The following BTLA variants were observed in gnomAD, a reference collection of about 807,000 sequenced individuals.
The protein encoded by BTLA is B and T lymphocyte associated, also known as B- and T-lymphocyte attenuator.
Under a neutral mutation model 25.0 loss-of-function variants are expected in BTLA, and 11 were observed. The observed-to-expected ratio is 0.44, with a 90% confidence interval of 0.28 to 0.73. BTLA has a LOEUF of 0.73. Ranked by LOEUF, BTLA falls within the 30% of genes least tolerant of loss-of-function variation. BTLA has a pLI of 0.15. For synonymous variants in BTLA, 104 were observed against 119.8 expected (o/e 0.87, Z 0.86); for missense variants, 282 against 332.8 (o/e 0.85, Z 1.19).
chr3:112,467,510 G>A (rs998242612), intron 4 of BTLA, among the ~76,000 whole-genome samples: 3 of 152,124 alleles, frequency 2.0e-5, no homozygotes, highest in Non-Finnish European at 4.4e-5. Flanking sequence ...CTCCTTTAAG[G>A]TATCAAGTCC....
chr3:112,479,611 C>T lies in BTLA; in HGVS notation c.247G>A (p.Glu83Lys), dbSNP rs1164288424. Residue 83 changes from glutamate (E) to lysine (K), a missense_variant, in exon 2 of 5, where the codon GAA becomes AAA. This residue lies in a region of BTLA where 163 missense variants were observed against 230.4 expected (regional missense o/e 0.71). Transcript: ENST00000334529. ...KLNGTTCVKL[E>K]DRQTSWKEEK... ...TCCTTCCAACTTGTTTGTCTATCTTCAAGTTTTACACATGTTGTTCCATTG... is the reference window on the plus strand; with the variant it reads ...TCCTTCCAACTTGTTTGTCTATCTTTAAGTTTTACACATGTTGTTCCATTG... The T allele has an allele frequency of 6.2e-7, 1 of 1,614,086 alleles. No individual in the cohort carries two copies. Among genetic ancestry groups the T allele is most frequent in the East Asian group, 2.2e-5 (1 of 44,868 alleles).
rs1453400171 is a variant in BTLA at position 112,465,575 on chromosome 3, A to G, written c.*533T>C. ...CCATTTATTATTTTCATTTTCTTAC[A>G]TCAAGCCTAAAATGATTTCTCCTTT... On this transcript the variant is annotated 3_prime_UTR_variant, in exon 5 of 5. Transcript: ENST00000334529. The G allele has an allele frequency of 6.6e-6, 1 of 152,654 alleles. No individual in the cohort carries two copies. The highest frequency in any genetic ancestry group is 2.4e-5 in the African/African-American group (1 of 41,458). 9.5% of individuals were successfully genotyped at this position (152,654 alleles called of 1,614,324 possible).
chr3:112,483,971 A>C (rs747124420), intron 1 of BTLA, among the ~76,000 whole-genome samples: 13 of 112,320 alleles, frequency 1.2e-4, no homozygotes, highest in Non-Finnish European at 2.1e-4. Flanking sequence ...CTGTCTCAAA[A>C]AAAAAAAAAA....
chr3:112,474,667 C>T (rs2082279757), intron 2 of BTLA, among the ~76,000 whole-genome samples: 1 of 152,154 alleles, frequency 6.6e-6, no homozygotes, highest in South Asian at 2.1e-4. Context: ...GTGATCCCTT[C>T]CCCTCAGGTG....
Position 112,469,802 on chromosome 3 carries a change from T to A in BTLA, c.550A>T (p.Lys184Ter), listed in dbSNP as rs144502753. The change falls in exon 4 of 5, where the codon AAG becomes TAG. Residue 184 changes from lysine (K) to a stop codon, truncating the protein, a stop_gained and splice_region_variant. Transcript: ENST00000334529. LOFTEE classifies it low-confidence loss of function (END_TRUNC). ...GCTGTGTCAGAGAGTTCATTTTGCT[T>A]TCCTGGAAGACAAAAAGAAAAAGAA... is the stretch of plus-strand genomic sequence containing the variant. ...LFCCLRRHQG[K>*]QNELSDTAGR... 2 of 1,609,250 alleles carry A rather than the reference T, an allele frequency of 1.2e-6. No individual in the cohort carries two copies. Among genetic ancestry groups the A allele is most frequent in the African/African-American group, 1.3e-5 (1 of 74,874 alleles).
At chr3:112,496,804 T>C (rs1356166471) in intron 1 of BTLA, among the ~76,000 whole-genome samples, 1 of 152,126 alleles carries the variant, frequency 6.6e-6, no homozygotes, top group East Asian at 1.9e-4. Context: ...CTCAGCTCAC[T>C]GCAACCTCTG....
Position 112,465,205 on chromosome 3 carries a change from TG to T in BTLA, c.*902del, listed in dbSNP as rs1412492962. ...ACCCCTACAGACCAATTAAATATTC[TG>T]GGTTTTCCTCCATTCCATTAATTGC... On this transcript the variant is annotated 3_prime_UTR_variant, in exon 5 of 5. Transcript: ENST00000334529. 4 of 152,646 alleles carry T rather than the reference TG, an allele frequency of 2.6e-5. No individual in the cohort carries two copies. Among genetic ancestry groups the T allele is most frequent in the Non-Finnish European group, 4.4e-5 (3 of 68,028 alleles). 9.5% of individuals were successfully genotyped at this position (152,646 alleles called of 1,614,324 possible).
chr3:112,464,942 T>A lies in BTLA; in HGVS notation c.*1166A>T, dbSNP rs1222202150. 6.6e-6 allele frequency: 1 copy of A among 152,218 alleles called. No homozygotes were observed. The highest frequency in any genetic ancestry group is 1.5e-5 in the Non-Finnish European group (1 of 68,038). 9.4% of individuals were successfully genotyped at this position (152,218 alleles called of 1,614,324 possible). A position where few individuals can be genotyped will look rare whatever the true frequency, so the allele number is the denominator to read the frequency against. On this transcript the variant is annotated 3_prime_UTR_variant, in exon 5 of 5. Coordinates refer to ENST00000334529, the MANE Select transcript of BTLA (RefSeq NM_181780.4). ...ATTATTCAGTAGCAGCACCTGAGAATTCGAATAGCCTCAAACTGTTGAATA... is the reference window on the plus strand; with the variant it reads ...ATTATTCAGTAGCAGCACCTGAGAAATCGAATAGCCTCAAACTGTTGAATA...
chr3:112,488,423 C>G (rs1417080500), intron 1 of BTLA, among the ~76,000 whole-genome samples: 2 of 151,988 alleles, frequency 1.3e-5, no homozygotes, highest in Non-Finnish European at 2.9e-5. Context: ...GGGGTTTTAC[C>G]CGGTTAACCA....
At chr3:112,477,523 T>C (rs1452740258) in intron 2 of BTLA, among the ~76,000 whole-genome samples, 1 of 152,074 alleles carries the variant, frequency 6.6e-6, no homozygotes, top group African/African-American at 2.4e-5. Context: ...CTTTGCTCAT[T>C]TTAAAATTAG....
chr3:112,479,353 T>G (rs534217526), intron 2 of BTLA, 102 bp downstream of exon 2: 2 of 1,076,490 alleles, frequency 1.9e-6, no homozygotes, highest in Non-Finnish European at 2.7e-6. Flanking sequence ...AGATGTGCTA[T>G]AGGAGTTGGC....
At chr3:112,483,135 C>T (rs922413089) in intron 1 of BTLA, among the ~76,000 whole-genome samples, 1 of 137,730 alleles carries the variant, frequency 7.3e-6, no homozygotes, top group East Asian at 2.2e-4. Context: ...AAAGAGGGCA[C>T]CTTTCTTTTT....
intron 1 of BTLA, among the ~76,000 whole-genome samples, chr3:112,487,327 G>A (rs1028101974): frequency 3.3e-5 from 5 of 152,238 alleles, no homozygotes; most frequent in Non-Finnish European, 5.9e-5. Context: ...ACTCATGCCT[G>A]TAATCCCAGC....
Position 112,473,981 on chromosome 3 carries a change from G to A in BTLA, c.404-2626C>T, listed in dbSNP as rs184647536. On this transcript the variant is annotated intron_variant, in intron 2 of 4. Coordinates refer to ENST00000334529, the MANE Select transcript of BTLA (RefSeq NM_181780.4). ...GGGAAGGGTGAAGTGGCAGGCCAAT[G>A]GATGTTTCAAGGGCTGTTCCCCAGC... is the stretch of plus-strand genomic sequence containing the variant. 7.9e-5 allele frequency among the ~76,000 whole-genome samples: 12 copies of A among 152,174 alleles called. No homozygotes were observed. In the East Asian group the frequency reaches 2.3e-3, roughly 29 times the overall value.
intron 1 of BTLA, among the ~76,000 whole-genome samples, chr3:112,497,903 A>G (rs553602831): frequency 7.0e-4 from 107 of 152,258 alleles, no homozygotes; most frequent in African/African-American, 2.5e-3. Context: ...CTGAAAAATC[A>G]CTGGGCATGG....
chr3:112,490,785 TTTA>T (rs1245047612), intron 1 of BTLA, among the ~76,000 whole-genome samples: 3 of 152,064 alleles, frequency 2.0e-5, no homozygotes, highest in Non-Finnish European at 4.4e-5. Flanking sequence ...ACAATCATCT[TTTA>T]TTATTATTTC....
rs926279724 is a variant in BTLA at position 112,465,173 on chromosome 3, CA to C, written c.*934del. On this transcript the variant is annotated 3_prime_UTR_variant, in exon 5 of 5. Transcript: ENST00000334529. The stretch of plus-strand genomic sequence containing the variant: ...AAGATGCAGATGTGGTGAATGAAAG[CA>C]AATTGACCCCTACAGACCAATTAAA... 2 of 152,568 alleles carry C rather than the reference CA, an allele frequency of 1.3e-5. No homozygotes were observed. The highest frequency in any genetic ancestry group is 4.8e-5 in the African/African-American group (2 of 41,444). 9.5% of individuals were successfully genotyped at this position (152,568 alleles called of 1,614,324 possible).
Position 112,479,612 on chromosome 3 carries a change from A to G in BTLA, c.246T>C (p.Leu82=), listed in dbSNP as rs1576683128. The part of the protein sequence containing the change: ...CKLNGTTCVK[L]EDRQTSWKEE... Reference sequence around the variant, plus strand: ...CCTTCCAACTTGTTTGTCTATCTTCAAGTTTTACACATGTTGTTCCATTGA... The same window carrying G: ...CCTTCCAACTTGTTTGTCTATCTTCGAGTTTTACACATGTTGTTCCATTGA... Residue 82 remains leucine (L), a synonymous_variant, in exon 2 of 5, where the codon CTT becomes CTC. Coordinates refer to ENST00000334529, the MANE Select transcript of BTLA (RefSeq NM_181780.4). 1 of 1,614,140 alleles carries G rather than the reference A, an allele frequency of 6.2e-7. No homozygotes were observed. Among genetic ancestry groups the G allele is most frequent in the East Asian group, 2.2e-5 (1 of 44,870 alleles).
In BTLA at chr3:112,471,344, C is replaced by A. The variant is rs1440648026; in HGVS notation, c.415G>T (p.Ala139Ser). 6.2e-7 allele frequency: 1 copy of A among 1,613,580 alleles called. No individual in the cohort carries two copies. The change falls in exon 3 of 5, where the codon GCC becomes TCC. Residue 139 changes from alanine to serine, a missense_variant. Transcript: ENST00000334529. ...TCGTCCTTGGAGGGTCGTTCTGAGG[C>A]ACTTTTTACATCTGGAATGTTAGTA... The part of the protein sequence containing the change: ...TTLYVTDVKS[A>S]SERPSKDEMA...
Sources: gnomAD v4.1 joint callset for allele counts (sites outside exome capture counted in the v4.1 genomes callset) on GRCh38, gnomAD v4.1.1 for gene constraint, gnomAD v4.1.1 regional missense constraint, MANE v1.5 for transcripts, NCBI Gene and HGNC (gene_info 2026-07-23, HGNC 2026-07-21) for gene names.